The following PDZRN4 variants were observed in gnomAD, a reference collection of about 807,000 sequenced individuals.
The protein encoded by PDZRN4 is PDZ domain-containing RING finger protein 4.
In PDZRN4, 70 loss-of-function variants were observed where a neutral mutation model predicts 99.0. The ratio of observed to expected loss-of-function variants is 0.71; its 90% CI spans 0.58 to 0.86. The LOEUF is 0.86. PDZRN4 is among the 40% of genes least tolerant of loss of function. The pLI is 0.00. For missense variants in PDZRN4, 1,474 were observed against 1,331.2 expected (o/e 1.11, Z -1.67); for synonymous variants, 551 against 501.6 (o/e 1.10, Z -1.32).
At chr12:41,413,724 C>A (rs1282803099) in intron 3 of PDZRN4, among the ~76,000 whole-genome samples, 1 of 151,868 alleles carries the variant, frequency 6.6e-6, no homozygotes, top group Non-Finnish European at 1.5e-5. Context: ...GTGAGATGAG[C>A]CTTTGAAGAC....
At chr12:41,191,359 C>A in intron 1 of PDZRN4, 99 bp from the exon 2 acceptor site, 5 of 653,396 alleles carry the variant, frequency 7.7e-6, no homozygotes, top group Admixed American at 5.9e-5. Flanking sequence ...TTCCTCTTTT[C>A]ACATGTCAGT....
intron 3 of PDZRN4, among the ~76,000 whole-genome samples, chr12:41,494,525 G>C (rs1937954920): frequency 1.3e-5 from 2 of 151,780 alleles, no homozygotes; most frequent in Non-Finnish European, 2.9e-5. Context: ...GAAATTACTG[G>C]GGCAAATTCC....
At chr12:41,277,960 C>T (rs771725341) in intron 3 of PDZRN4, among the ~76,000 whole-genome samples, 6 of 152,068 alleles carry the variant, frequency 3.9e-5, no homozygotes, top group Admixed American at 2.0e-4. Context: ...TTTTAGTCCT[C>T]GGCAAAGAAT....
intron 5 of PDZRN4, among the ~76,000 whole-genome samples, chr12:41,530,043 T>C (rs2120735700): frequency 6.6e-6 from 1 of 152,274 alleles, no homozygotes; most frequent in African/African-American, 2.4e-5. Flanking sequence ...TTGAAATGGG[T>C]CTTTCATTCT....
chr12:41,484,394 T>G (rs1223067208), intron 3 of PDZRN4, among the ~76,000 whole-genome samples: 1 of 152,178 alleles, frequency 6.6e-6, no homozygotes, highest in Non-Finnish European at 1.5e-5. Flanking sequence ...TTTTGGCATG[T>G]TAGTAAAGTC....
chr12:41,380,219 G>A (rs1952113844), intron 3 of PDZRN4, among the ~76,000 whole-genome samples: 1 of 151,798 alleles, frequency 6.6e-6, no homozygotes. Flanking sequence ...ATCACTGTTA[G>A]ACTATTTGTG....
intron 3 of PDZRN4, among the ~76,000 whole-genome samples, chr12:41,488,224 C>T (rs1414221439): frequency 6.6e-6 from 1 of 152,136 alleles, no homozygotes; most frequent in Non-Finnish European, 1.5e-5. Context: ...TACGGATAAT[C>T]AACATGAAGC....
chr12:41,242,873 C>A (rs1951109717), intron 3 of PDZRN4, among the ~76,000 whole-genome samples: 1 of 152,176 alleles, frequency 6.6e-6, no homozygotes, highest in African/African-American at 2.4e-5. Context: ...CCCTTCTAAG[C>A]ATAGCACTCA....
chr12:41,572,361 T>C lies in PDZRN4; in HGVS notation c.1585-3T>C. ...CTTTGTTCTTTCAACATCATTTTCT[T>C]AGCCAAAAAAGCAAGAAGAAGAAGA... On this transcript the variant is annotated splice_polypyrimidine_tract_variant and splice_region_variant and intron_variant, in intron 9 of 9. Coordinates refer to ENST00000402685, the MANE Select transcript of PDZRN4 (RefSeq NM_001164595.2). 1 of 1,589,074 alleles carries C rather than the reference T, an allele frequency of 6.3e-7. No homozygotes were observed. Among genetic ancestry groups the C allele is most frequent in the Admixed American group, 1.8e-5 (1 of 56,320 alleles).
intron 3 of PDZRN4, among the ~76,000 whole-genome samples, chr12:41,500,709 G>C (rs1036779992): frequency 1.3e-5 from 2 of 151,714 alleles, no homozygotes; most frequent in Admixed American, 1.3e-4. Flanking sequence ...ATATAACAAT[G>C]TTCAAATAGA....
intron 3 of PDZRN4, among the ~76,000 whole-genome samples, chr12:41,439,390 T>C (rs1952658100): frequency 6.6e-6 from 1 of 152,202 alleles, no homozygotes; most frequent in Non-Finnish European, 1.5e-5. Context: ...AGTTCTAGTA[T>C]TGTTTCTCTT....
intron 7 of PDZRN4, among the ~76,000 whole-genome samples, chr12:41,557,784 C>T (rs567452287): frequency 6.6e-6 from 1 of 152,122 alleles, no homozygotes; most frequent in Non-Finnish European, 1.5e-5. Context: ...TTTCAGAAAA[C>T]CTCAAGAACA....
intron 3 of PDZRN4, among the ~76,000 whole-genome samples, chr12:41,380,725 GT>G (rs1185640434): frequency 6.6e-6 from 1 of 151,828 alleles, no homozygotes; most frequent in African/African-American, 2.4e-5. Flanking sequence ...TAATACATTT[GT>G]TTTTTACCTT....
chr12:41,243,168 A>G (rs1047311645), intron 3 of PDZRN4, among the ~76,000 whole-genome samples: 13 of 152,184 alleles, frequency 8.5e-5, no homozygotes, highest in Non-Finnish European at 1.6e-4. Context: ...TTTTGCCTGA[A>G]GAATGTTCTT....
At chr12:41,514,082 G>A (rs1304830036) in intron 5 of PDZRN4, among the ~76,000 whole-genome samples, 1 of 151,986 alleles carries the variant, frequency 6.6e-6, no homozygotes, top group South Asian at 2.1e-4. Context: ...TCATAAAAAC[G>A]TAAGCCAAAA....
At chr12:41,553,306 GCGAGATA>G (rs562788565) in intron 6 of PDZRN4, among the ~76,000 whole-genome samples, 1 of 152,262 alleles carries the variant, frequency 6.6e-6, no homozygotes, top group Non-Finnish European at 1.5e-5. Context: ...AGTCTAAAAT[GCGAGATA>G]CTGTTAGTGT....
Position 41,348,005 on chromosome 12 carries a change from A to T in PDZRN4, c.843+153817A>T, listed in dbSNP as rs117199578. On this transcript the variant is annotated intron_variant, in intron 3 of 9. Transcript: ENST00000402685. ...GACATGACACAAAGAACTAAGATGT[A>T]AAGTAAAATATGAAAAGGACCACAT... 3.7e-3 allele frequency among the ~76,000 whole-genome samples: 557 copies of T among 152,282 alleles called. 6 individuals carry two copies. Among genetic ancestry groups the T allele is most frequent in the Non-Finnish European group, 6.8e-3 (465 of 68,012 alleles).
At chr12:41,402,960 G>GATAACTTA (rs1952314900) in intron 3 of PDZRN4, among the ~76,000 whole-genome samples, 1 of 151,918 alleles carries the variant, frequency 6.6e-6, no homozygotes, top group African/African-American at 2.4e-5. Context: ...TATATTTCAT[G>GATAACTTA]ATAACTTAGA....
At chr12:41,339,611 G>A (rs1951801356) in intron 3 of PDZRN4, among the ~76,000 whole-genome samples, 1 of 136,550 alleles carries the variant, frequency 7.3e-6, no homozygotes, top group African/African-American at 2.6e-5. Flanking sequence ...CTTTTATACA[G>A]CAAAAGAAAC....
Sources: allele counts gnomAD v4.1 joint callset (sites outside exome capture counted in the v4.1 genomes callset), GRCh38; gene constraint gnomAD v4.1.1; transcripts MANE v1.5; gene names NCBI Gene and HGNC (gene_info 2026-07-23, HGNC 2026-07-21).